Variants in EIF2AK1 observed in about 807,000 individuals in gnomAD.
EIF2AK1 encodes eukaryotic translation initiation factor 2 alpha kinase 1.
EIF2AK1 carries 54 observed loss-of-function variants against 77.9 expected under a neutral mutation model. That is an observed-to-expected ratio of 0.69 (90% CI 0.56 to 0.87). The LOEUF (loss-of-function observed/expected upper bound fraction) is 0.87. Among genes scored for constraint, EIF2AK1 ranks in the 40% least tolerant of loss-of-function variants. EIF2AK1 has a pLI of 0.00. For missense variants in EIF2AK1, 810 were observed against 768.6 expected (o/e 1.05, Z -0.64); for synonymous variants, 314 against 290.5 (o/e 1.08, Z -0.82).
rs770589682 is a variant in EIF2AK1, at chr7:6,047,133, A to G, written c.450-42T>C. Reference sequence around the variant, plus strand: ...AACAATCAATATTAAAACATGAGAGAATCAAAATGTTCTAGGATACCTCAT... The same window carrying G: ...AACAATCAATATTAAAACATGAGAGGATCAAAATGTTCTAGGATACCTCAT... On this transcript the variant is annotated intron_variant, in intron 4 of 14. Transcript: ENST00000199389. 6.4e-6 allele frequency: 10 copies of G among 1,561,198 alleles called. No homozygotes were observed. In the Admixed American group the frequency reaches 1.5e-4, roughly 24 times the overall value.
chr7:6,052,917 C>G (rs1329122304), intron 2 of EIF2AK1, among the ~76,000 whole-genome samples: 1 of 151,650 alleles, frequency 6.6e-6, no homozygotes, highest in Non-Finnish European at 1.5e-5. Context: ...GAGCGGAAAT[C>G]GCGCCAATGC....
rs937699230 is a variant in EIF2AK1 at position 6,027,214 on chromosome 7, C to T, written c.1531-253G>A. On this transcript the variant is annotated intron_variant, in intron 13 of 14. Transcript: ENST00000199389. This position sits in a 1 kb window ranked among gnomAD's most constrained non-coding sequence, Gnocchi z 4.5. Reference sequence around the variant, plus strand: ...GGATAATCCCCACCCACAGCAGTCACGACCATACAACTGTCTTCAGCACCC... The same window carrying T: ...GGATAATCCCCACCCACAGCAGTCATGACCATACAACTGTCTTCAGCACCC... 1.3e-5 allele frequency among the ~76,000 whole-genome samples: 2 copies of T among 152,142 alleles called. No individual in the cohort carries two copies. The highest frequency in any genetic ancestry group is 1.9e-4 in the East Asian group (1 of 5,194).
At chr7:6,043,213 G>A (rs1788346414) in intron 7 of EIF2AK1, among the ~76,000 whole-genome samples, 1 of 152,128 alleles carries the variant, frequency 6.6e-6, no homozygotes, top group African/African-American at 2.4e-5. Flanking sequence ...CAGCACAGAG[G>A]ACTTGACAGT....
intron 2 of EIF2AK1, among the ~76,000 whole-genome samples, chr7:6,051,620 G>A (rs1423737059): frequency 6.6e-6 from 1 of 151,744 alleles, no homozygotes; most frequent in Non-Finnish European, 1.5e-5. Flanking sequence ...AGTAGAGATG[G>A]GGTTTCACCA....
chr7:6,037,322 T>C lies in EIF2AK1; in HGVS notation c.1332+102A>G, dbSNP rs975927764. On this transcript the variant is annotated intron_variant, in intron 11 of 14. Coordinates refer to ENST00000199389, the MANE Select transcript of EIF2AK1 (RefSeq NM_014413.4). Reference sequence around the variant, plus strand: ...CAGTAATTATAACCTCCTAAGCAAATGAACTAGGACATGTAATCTTATTTA... The same window carrying C: ...CAGTAATTATAACCTCCTAAGCAAACGAACTAGGACATGTAATCTTATTTA... 5 of 739,280 alleles carry C rather than the reference T, an allele frequency of 6.8e-6. No individual in the cohort carries two copies. In the African/African-American group the frequency reaches 7.1e-5, roughly 10 times the overall value. The allele number at this position is 739,280 out of a possible 1,614,324, so 45.8% of individuals were successfully genotyped here. A position where few individuals can be genotyped will look rare whatever the true frequency, so the allele number is the denominator to read the frequency against.
Position 6,038,514 on chromosome 7 carries a change from G to A in EIF2AK1, c.1231+46C>T, listed in dbSNP as rs773440015. The A allele has an allele frequency of 2.7e-6, 4 of 1,470,818 alleles. No homozygotes were observed. The South Asian group carries it at 4.8e-5, about 18-fold the overall frequency. The allele number at this position is 1,470,818 out of a possible 1,614,324, so 91.1% of individuals were successfully genotyped here. A position where few individuals can be genotyped will look rare whatever the true frequency, so the allele number is the denominator to read the frequency against. On this transcript the variant is annotated intron_variant, in intron 10 of 14. Coordinates refer to ENST00000199389, the MANE Select transcript of EIF2AK1 (RefSeq NM_014413.4). ...AACTCCTACATGAGATGGGGAAGGT[G>A]TGACTGTGTCTATTTCCCGGCCCGG... is the stretch of plus-strand genomic sequence containing the variant.
In EIF2AK1 at chr7:6,024,431, T is replaced by C. The variant is rs1300250240; in HGVS notation, c.*242A>G. The C allele has an allele frequency of 2.2e-6, 3 of 1,368,008 alleles. No homozygotes were observed. The highest frequency in any genetic ancestry group is 3.3e-5 in the Admixed American group (1 of 30,728). 84.7% of individuals were successfully genotyped at this position (1,368,008 alleles called of 1,614,324 possible). A position where few individuals can be genotyped will look rare whatever the true frequency, so the allele number is the denominator to read the frequency against. Reference sequence around the variant, plus strand: ...CAACAGAGTTGAAAGGAGAAAATAATTGAGGATGAGGTCCAAGTTTTTAGT... The same window carrying C: ...CAACAGAGTTGAAAGGAGAAAATAACTGAGGATGAGGTCCAAGTTTTTAGT... On this transcript the variant is annotated 3_prime_UTR_variant, in exon 15 of 15. Transcript: ENST00000199389.
chr7:6,023,816 A>G lies in EIF2AK1; in HGVS notation c.*857T>C, dbSNP rs775012804. On this transcript the variant is annotated 3_prime_UTR_variant, in exon 15 of 15. Coordinates refer to ENST00000199389, the MANE Select transcript of EIF2AK1 (RefSeq NM_014413.4). ...TTTAGGCCAGTTGTCAAGTGTCAAT[A>G]AAAGCATCATGTAATTTATGGTTTT... 2.5e-6 allele frequency: 4 copies of G among 1,571,998 alleles called. No homozygotes were observed. Among genetic ancestry groups the G allele is most frequent in the African/African-American group, 2.7e-5 (2 of 74,076 alleles).
chr7:6,024,870 GCT>G, intron 14 of EIF2AK1, 69 bp from the exon 15 acceptor site: 1 of 1,172,200 alleles, frequency 8.5e-7, no homozygotes, highest in Non-Finnish European at 1.1e-6. Context: ...ACAGAGTCTC[GCT>G]CTGTCGCCCA....
At position 6,058,929 on chromosome 7, in the gene EIF2AK1, G is replaced by C. The variant is rs546308403; in HGVS notation, c.118+37C>G. On this transcript the variant is annotated intron_variant, in intron 1 of 14. Transcript: ENST00000199389. ...CCGCCCAGAAACGCAGGTGGACAGA[G>C]AGAGCAGAGCGGCGACGCCGCGATC... is the stretch of plus-strand genomic sequence containing the variant. 31 of 1,480,114 alleles carry C rather than the reference G, an allele frequency of 2.1e-5. No individual in the cohort carries two copies. In the African/African-American group the frequency reaches 3.8e-4, roughly 18 times the overall value. The allele number at this position is 1,480,114 out of a possible 1,614,324, so 91.7% of individuals were successfully genotyped here.
At chr7:6,034,792 G>A (rs888398558) in intron 11 of EIF2AK1, among the ~76,000 whole-genome samples, 2 of 152,088 alleles carry the variant, frequency 1.3e-5, no homozygotes, top group African/African-American at 4.8e-5. Flanking sequence ...CTGAGATGAG[G>A]GCCAAGTTGT....
intron 11 of EIF2AK1, among the ~76,000 whole-genome samples, chr7:6,034,440 C>T (rs575758899): frequency 3.3e-5 from 5 of 152,246 alleles, no homozygotes; most frequent in Admixed American, 2.0e-4. Context: ...GAAGTCCCTT[C>T]CACATCTCAA....
chr7:6,045,585 C>G (rs1015469763), intron 6 of EIF2AK1, among the ~76,000 whole-genome samples: 3 of 151,922 alleles, frequency 2.0e-5, no homozygotes, highest in Non-Finnish European at 2.9e-5. Flanking sequence ...GGGCAGGTGA[C>G]AGAAGTGGCT....
At chr7:6,026,634 C>G (rs1367404704) in intron 14 of EIF2AK1, 94 bp downstream of exon 14, 1 of 986,366 alleles carries the variant, frequency 1.0e-6, no homozygotes, top group Non-Finnish European at 1.6e-6. Flanking sequence ...CTTCCAGCCC[C>G]AGCCTCCGGG....
At position 6,033,433 on chromosome 7, in the gene EIF2AK1, T is replaced by C. The variant is rs1208680650; in HGVS notation, c.1332+3991A>G. On this transcript the variant is annotated intron_variant, in intron 11 of 14. Transcript: ENST00000199389. The surrounding 1 kb of genome is among the most constrained non-coding windows in gnomAD (Gnocchi z 4.4). Reference sequence around the variant, plus strand: ...AAAAACTGAGAAAAATGCAACATCATAAATATTTTGCCAAATTAATGCACA... The same window carrying C: ...AAAAACTGAGAAAAATGCAACATCACAAATATTTTGCCAAATTAATGCACA... Among the ~76,000 whole-genome samples, 2 of 152,172 alleles carry C rather than the reference T, an allele frequency of 1.3e-5. No individual in the cohort carries two copies. Among genetic ancestry groups the C allele is most frequent in the African/African-American group, 2.4e-5 (1 of 41,442 alleles).
In EIF2AK1 at chr7:6,054,623, AG is replaced by A; in HGVS notation, c.199del (p.Leu67SerfsTer10). 6.2e-7 allele frequency: 1 copy of A among 1,614,134 alleles called. No individual in the cohort carries two copies. The highest frequency in any genetic ancestry group is 8.5e-7 in the Non-Finnish European group (1 of 1,180,010). On this transcript the variant is annotated frameshift_variant, in exon 2 of 15. Transcript: ENST00000199389. LOFTEE classifies it high-confidence loss of function. ...PTFPFAVANQ[L>X]LLVSLLEHLS... ...GTGCTCCAGCAAAGAAACCAGCAAGAGTTGGTTTGCAACTGCAAAAGGGAAG... is the reference window on the plus strand; with the variant it reads ...GTGCTCCAGCAAAGAAACCAGCAAGATTGGTTTGCAACTGCAAAAGGGAAG...
chr7:6,037,641 T>C, intron 10 of EIF2AK1, 117 bp from the exon 11 acceptor site: 2 of 688,126 alleles, frequency 2.9e-6, no homozygotes, highest in South Asian at 1.9e-5. Flanking sequence ...CAATCTAGAT[T>C]TTCAACAAAG....
In EIF2AK1 at chr7:6,032,724, G is replaced by T. The variant is rs1184628276; in HGVS notation, c.1333-3692C>A. On this transcript the variant is annotated intron_variant, in intron 11 of 14. Transcript: ENST00000199389. This position sits in a 1 kb window ranked among gnomAD's most constrained non-coding sequence, Gnocchi z 4.3. The stretch of plus-strand genomic sequence containing the variant: ...ACTTTCAATGCACATACCAGAAAAA[G>T]AGTGAGCCAATGAGACACTAAATAA... The T allele has an allele frequency of 6.5e-6, 5 of 769,022 alleles. No homozygotes were observed. Among genetic ancestry groups the T allele is most frequent in the South Asian group, 3.9e-5 (2 of 51,588 alleles). The allele number at this position is 769,022 out of a possible 1,614,324, so 47.6% of individuals were successfully genotyped here. A position where few individuals can be genotyped will look rare whatever the true frequency, so the allele number is the denominator to read the frequency against.
chr7:6,037,281 A>G (rs1316923900), intron 11 of EIF2AK1, 143 bp downstream of exon 11: 3 of 644,168 alleles, frequency 4.7e-6, no homozygotes, highest in Non-Finnish European at 8.2e-6. Flanking sequence ...GATCTATCGA[A>G]CAATGACTTA....
Sources: allele counts gnomAD v4.1 joint callset (sites outside exome capture counted in the v4.1 genomes callset), GRCh38; gene constraint gnomAD v4.1.1; non-coding constraint Gnocchi (gnomAD v3.1); transcripts MANE v1.5; gene names NCBI Gene and HGNC (gene_info 2026-07-23, HGNC 2026-07-21).